CNTN5: variants seen among roughly 807,000 people sequenced by gnomAD.
CNTN5 encodes the protein contactin 5.
A neutral mutation model predicts 129.1 loss-of-function variants in CNTN5; 77 were observed. That is an observed-to-expected ratio of 0.60 (90% CI 0.50 to 0.72). CNTN5 has a LOEUF of 0.72. CNTN5 is among the 30% of genes least tolerant of loss of function. CNTN5 has a pLI of 0.00. For missense variants in CNTN5, 1,478 were observed against 1,328.8 expected (o/e 1.11, Z -1.75); for synonymous variants, 509 against 465.6 (o/e 1.09, Z -1.20).
intron 1 of CNTN5, among the ~76,000 whole-genome samples, chr11:99,249,958 T>G (rs906324110): frequency 1.3e-5 from 2 of 151,960 alleles, no homozygotes; most frequent in Admixed American, 6.6e-5. Context: ...AGAAGAGTTG[T>G]TTGAGCTTTT....
chr11:99,167,525 A>C (rs561848195), intron 1 of CNTN5, among the ~76,000 whole-genome samples: 1 of 152,138 alleles, frequency 6.6e-6, no homozygotes, highest in Non-Finnish European at 1.5e-5. Context: ...TTTAGTTGCT[A>C]TGATACTTGA....
intron 3 of CNTN5, among the ~76,000 whole-genome samples, chr11:99,721,990 G>A (rs1379545964): frequency 6.6e-6 from 1 of 152,100 alleles, no homozygotes; most frequent in African/African-American, 2.4e-5. Context: ...AACAGATGCT[G>A]GTGGGGTTGC....
intron 13 of CNTN5, among the ~76,000 whole-genome samples, chr11:100,189,282 A>C (rs1466545724): frequency 6.6e-6 from 1 of 151,686 alleles, no homozygotes; most frequent in Non-Finnish European, 1.5e-5. Flanking sequence ...AAAAAAAAAA[A>C]ACCTTGTGGT....
intron 2 of CNTN5, among the ~76,000 whole-genome samples, chr11:99,432,439 C>G (rs11219882): frequency 1.8e-5 from 2 of 113,290 alleles, no homozygotes; most frequent in South Asian, 5.9e-4. Flanking sequence ...CCTTTTCTTT[C>G]CTTTTCTTTT....
At chr11:99,151,235 T>C (rs892870361) in intron 1 of CNTN5, among the ~76,000 whole-genome samples, 6 of 152,056 alleles carry the variant, frequency 3.9e-5, no homozygotes, top group African/African-American at 1.4e-4. Flanking sequence ...TTAAGTATCC[T>C]AGAAAGATAG....
intron 1 of CNTN5, among the ~76,000 whole-genome samples, chr11:99,065,600 A>G (rs1026540242): frequency 6.6e-6 from 1 of 152,194 alleles, no homozygotes; most frequent in Non-Finnish European, 1.5e-5. Flanking sequence ...AGCAATATTT[A>G]CATGTAAGTA....
intron 1 of CNTN5, among the ~76,000 whole-genome samples, chr11:99,215,070 C>G (rs1224192591): frequency 6.6e-6 from 1 of 151,968 alleles, no homozygotes; most frequent in East Asian, 1.9e-4. Context: ...AGTGCCTAAC[C>G]AAGTATGTGG....
intron 3 of CNTN5, among the ~76,000 whole-genome samples, chr11:99,781,257 T>G (rs148999168): frequency 6.6e-6 from 1 of 152,092 alleles, no homozygotes; most frequent in Admixed American, 6.6e-5. Context: ...GTTTTAGATA[T>G]ATGTATTGCT....
intron 2 of CNTN5, among the ~76,000 whole-genome samples, chr11:99,520,757 A>C (rs1242113980): frequency 6.6e-6 from 1 of 152,074 alleles, no homozygotes; most frequent in East Asian, 1.9e-4. Context: ...GAAGATCACA[A>C]ATATTTATGG....
At chr11:99,526,213 C>T (rs556999257) in intron 2 of CNTN5, among the ~76,000 whole-genome samples, 10 of 152,182 alleles carry the variant, frequency 6.6e-5, no homozygotes, top group East Asian at 3.9e-4. Context: ...TAGGAAATGA[C>T]GTGGTAGAAG....
chr11:99,929,331 G>C (rs903618875), intron 7 of CNTN5, among the ~76,000 whole-genome samples: 11 of 151,904 alleles, frequency 7.2e-5, no homozygotes, highest in Admixed American at 2.0e-4. Flanking sequence ...TCAGCCCTTG[G>C]AACTGTTCCA....
intron 13 of CNTN5, among the ~76,000 whole-genome samples, chr11:100,149,460 T>C (rs557072578): frequency 2.0e-5 from 3 of 152,330 alleles, no homozygotes; most frequent in Admixed American, 6.5e-5. Context: ...ATAAATGCTA[T>C]GATAAATTCA....
intron 9 of CNTN5, among the ~76,000 whole-genome samples, chr11:100,027,710 T>G (rs1233751000): frequency 6.6e-6 from 1 of 152,200 alleles, no homozygotes; most frequent in African/African-American, 2.4e-5. Flanking sequence ...CTCCCAGATC[T>G]GTCTTTTCAA....
chr11:99,413,616 C>A (rs1942498653), intron 2 of CNTN5, among the ~76,000 whole-genome samples: 1 of 72,574 alleles, frequency 1.4e-5, no homozygotes, highest in East Asian at 7.4e-4. Context: ...GGAACTCCAT[C>A]TCAAAAAACA....
chr11:99,723,478 C>T (rs935570069), intron 3 of CNTN5, among the ~76,000 whole-genome samples: 6 of 152,146 alleles, frequency 3.9e-5, no homozygotes, highest in South Asian at 2.1e-4. Flanking sequence ...ACTCTGCTTC[C>T]TATTTCCCTG....
At chr11:99,698,440 A>G (rs1434534072) in intron 3 of CNTN5, among the ~76,000 whole-genome samples, 1 of 151,444 alleles carries the variant, frequency 6.6e-6, no homozygotes, top group Non-Finnish European at 1.5e-5. Flanking sequence ...TTGAGTCCCT[A>G]ACTGTGTTTT....
intron 3 of CNTN5, among the ~76,000 whole-genome samples, chr11:99,575,210 C>T (rs1949305888): frequency 6.6e-6 from 1 of 152,126 alleles, no homozygotes; most frequent in Admixed American, 6.6e-5. Context: ...ATAATATTTA[C>T]TAAAATATGT....
At chr11:99,751,363 A>G (rs1944229944) in intron 3 of CNTN5, among the ~76,000 whole-genome samples, 2 of 152,336 alleles carry the variant, frequency 1.3e-5, no homozygotes, top group African/African-American at 4.8e-5. Flanking sequence ...TAATTCAAAA[A>G]TAAAAAATAA....
At chr11:99,987,775 A>G (rs1051718070) in intron 8 of CNTN5, among the ~76,000 whole-genome samples, 6 of 152,176 alleles carry the variant, frequency 3.9e-5, no homozygotes, top group African/African-American at 7.2e-5. Context: ...CAGACTTAAT[A>G]AAGTCCTAGC....
Sources: gnomAD v4.1 joint callset for allele counts (sites outside exome capture counted in the v4.1 genomes callset) on GRCh38, gnomAD v4.1.1 for gene constraint, MANE v1.5 for transcripts, NCBI Gene and HGNC (gene_info 2026-07-23, HGNC 2026-07-21) for gene names.